The following EHMT1 variants were observed in gnomAD, a reference collection of about 807,000 sequenced individuals.
EHMT1 encodes the protein euchromatic histone lysine methyltransferase 1.
A neutral mutation model predicts 147.2 loss-of-function variants in EHMT1; 15 were observed. That is an observed-to-expected ratio of 0.10 (90% CI 0.07 to 0.16). EHMT1 has a LOEUF of 0.16. Among genes scored for constraint, EHMT1 ranks in the 10% least tolerant of loss-of-function variants. EHMT1 has a pLI of 1.00. For synonymous variants in EHMT1, 795 were observed against 709.6 expected (o/e 1.12, Z -1.91); for missense variants, 1,587 against 1,772.4 (o/e 0.90, Z 1.88).
At chr9:137,764,538 A>C (rs1950090386) in intron 10 of EHMT1, 1 of 152,238 alleles carries the variant, frequency 6.6e-6, no homozygotes. Flanking sequence ...TTACTGTTTT[A>C]AAACAAACCC....
intron 1 of EHMT1, among the ~76,000 whole-genome samples, chr9:137,663,742 G>A (rs1052670776): frequency 1.3e-5 from 2 of 152,118 alleles, no homozygotes; most frequent in Non-Finnish European, 2.9e-5. Flanking sequence ...CTCTGCAAGG[G>A]CTTTTGGATA....
chr9:137,757,797 C>A lies in EHMT1; in HGVS notation c.1370-83C>A, dbSNP rs963306343. The A allele has an allele frequency of 1.9e-6, 3 of 1,602,774 alleles. No individual in the cohort carries two copies. The Admixed American group carries it at 5.0e-5, about 27-fold the overall frequency. On this transcript the variant is annotated intron_variant, in intron 8 of 26. Transcript: ENST00000460843. ...ATTAGAAGTAGTCCATTTCCTGGGG[C>A]CCCAGCCTTGCTGCCCTGTGCGTCT...
intron 1 of EHMT1, among the ~76,000 whole-genome samples, chr9:137,642,310 A>G (rs1844550827): frequency 6.6e-6 from 1 of 151,760 alleles, no homozygotes; most frequent in African/African-American, 2.4e-5. Flanking sequence ...TTTGTTCTTC[A>G]TGGAGATGGA....
chr9:137,810,305 G>A (rs1954359333), intron 18 of EHMT1, among the ~76,000 whole-genome samples: 2 of 152,372 alleles, frequency 1.3e-5, no homozygotes, highest in South Asian at 2.1e-4. Flanking sequence ...GGCGCTCCTC[G>A]CACGGCGCCA....
intron 1 of EHMT1, among the ~76,000 whole-genome samples, chr9:137,677,221 C>CGA (rs1468343913): frequency 6.6e-6 from 1 of 152,058 alleles, no homozygotes; most frequent in African/African-American, 2.4e-5. Context: ...GCAACCTCCA[C>CGA]CTCCCAGGTT....
intron 18 of EHMT1, among the ~76,000 whole-genome samples, chr9:137,801,212 G>A (rs545145066): frequency 6.6e-6 from 1 of 152,320 alleles, no homozygotes; most frequent in African/African-American, 2.4e-5. Context: ...GGGTTCAGAG[G>A]GCGCTGCACT....
intron 1 of EHMT1, among the ~76,000 whole-genome samples, chr9:137,677,565 A>G (rs1239530141): frequency 2.0e-5 from 3 of 151,914 alleles, no homozygotes; most frequent in East Asian, 2.0e-4. Flanking sequence ...TGGTGGGACT[A>G]TAGGCGCCCG....
intron 18 of EHMT1, among the ~76,000 whole-genome samples, chr9:137,806,904 T>C (rs1314042324): frequency 6.6e-6 from 1 of 152,234 alleles, no homozygotes; most frequent in African/African-American, 2.4e-5. Context: ...CACAGTTATT[T>C]CTCTGTGTAT....
In EHMT1 at chr9:137,758,040, G is replaced by A. The variant is rs376087150; in HGVS notation, c.1501+29G>A. 14 of 1,613,652 alleles carry A rather than the reference G, an allele frequency of 8.7e-6. No homozygotes were observed. The African/African-American group carries it at 9.4e-5, about 11-fold the overall frequency. On this transcript the variant is annotated intron_variant, in intron 9 of 26. Coordinates refer to ENST00000460843, the MANE Select transcript of EHMT1 (RefSeq NM_024757.5). ...AATGTGGTGGTGTAACTTAGACCGG[G>A]CACCATCTTGGTCCTTTGTCTTCTG...
intron 1 of EHMT1, among the ~76,000 whole-genome samples, chr9:137,694,054 A>C (rs1174228231): frequency 1.3e-5 from 1 of 78,770 alleles, no homozygotes; most frequent in East Asian, 4.5e-4. Context: ...GATACCCCCC[A>C]CACAGTGGCT....
At chr9:137,739,972 C>T (rs1173862969) in intron 4 of EHMT1, among the ~76,000 whole-genome samples, 2 of 152,158 alleles carry the variant, frequency 1.3e-5, no homozygotes, top group Non-Finnish European at 2.9e-5. Flanking sequence ...CTCTATGTGA[C>T]CTGAGGACAG....
At chr9:137,718,655 C>T (rs9314637) in intron 3 of EHMT1, among the ~76,000 whole-genome samples, 23,134 of 152,078 alleles carry the variant, frequency 0.15, 3,403 homozygotes, top group African/African-American at 0.39. Context: ...TCAGCCCTTC[C>T]CCTTCTTGCT....
In EHMT1 at chr9:137,813,560, A is replaced by G. The variant is rs1442597039; in HGVS notation, c.3180+30A>G. 1.2e-6 allele frequency: 2 copies of G among 1,612,648 alleles called. No homozygotes were observed. Among genetic ancestry groups the G allele is most frequent in the Non-Finnish European group, 1.7e-6 (2 of 1,179,848 alleles). The stretch of plus-strand genomic sequence containing the variant: ...GTGACGGCAGATGAAGGGCTGACTC[A>G]GGCCAGGACATGGGACAGGCAGAAG... On this transcript the variant is annotated intron_variant, in intron 21 of 26. Coordinates refer to ENST00000460843, the MANE Select transcript of EHMT1 (RefSeq NM_024757.5). This position sits in a 1 kb window ranked among gnomAD's most constrained non-coding sequence, Gnocchi z 4.9.
intron 9 of EHMT1, among the ~76,000 whole-genome samples, chr9:137,761,678 C>G (rs1377151946): frequency 2.6e-5 from 4 of 151,984 alleles, no homozygotes; most frequent in Non-Finnish European, 4.4e-5. Flanking sequence ...AGGAGGGTCT[C>G]GATCTCCTGA....
At chr9:137,771,617 G>T (rs1950588151) in intron 10 of EHMT1, among the ~76,000 whole-genome samples, 2 of 152,156 alleles carry the variant, frequency 1.3e-5, no homozygotes, top group Non-Finnish European at 1.5e-5. Context: ...CTCACCACAG[G>T]CGAGCACCTT....
chr9:137,810,706 T>G (rs1954403642), intron 18 of EHMT1, among the ~76,000 whole-genome samples: 1 of 151,024 alleles, frequency 6.6e-6, no homozygotes, highest in Non-Finnish European at 1.5e-5. Context: ...AATTTTTTGT[T>G]TTTTTTTTTG....
intron 1 of EHMT1, among the ~76,000 whole-genome samples, chr9:137,671,618 G>A (rs894103179): frequency 2.0e-5 from 3 of 147,984 alleles, no homozygotes; most frequent in Admixed American, 7.0e-5. Context: ...TCTGCCTCTC[G>A]GGCTCAAGCT....
chr9:137,716,140 A>G (rs1312482008), intron 2 of EHMT1, among the ~76,000 whole-genome samples: 3 of 3,522 alleles, frequency 8.5e-4, no homozygotes, highest in East Asian at 0.02. Flanking sequence ...TGTTGGTGTC[A>G]TGGTGGGGGA....
intron 18 of EHMT1, among the ~76,000 whole-genome samples, chr9:137,803,954 T>A (rs1953716067): frequency 6.6e-6 from 1 of 152,162 alleles, no homozygotes; most frequent in South Asian, 2.1e-4. Flanking sequence ...AAGACTGTAA[T>A]TTATAAACAA....
Sources: gnomAD v4.1 joint callset for allele counts (sites outside exome capture counted in the v4.1 genomes callset) on GRCh38, gnomAD v4.1.1 for gene constraint, Gnocchi (gnomAD v3.1) non-coding constraint, MANE v1.5 for transcripts, NCBI Gene and HGNC (gene_info 2026-07-23, HGNC 2026-07-21) for gene names.